DVL1: variants seen among roughly 807,000 people sequenced by gnomAD.
DVL1 encodes the protein segment polarity protein dishevelled homolog DVL-1.
Under a neutral mutation model 65.0 loss-of-function variants are expected in DVL1, and 49 were observed. That is an observed-to-expected ratio of 0.75 (90% CI 0.60 to 0.96). The LOEUF is 0.96. Ranked by LOEUF, DVL1 falls within the 40% of genes least tolerant of loss-of-function variation. DVL1 has a pLI of 0.00. For missense variants in DVL1, 1,197 were observed against 1,045.4 expected (o/e 1.15, Z -2.00); for synonymous variants, 608 against 433.9 (o/e 1.40, Z -4.99).
chr1:1,337,158 C>T (rs762644212), intron 14 of DVL1: 93 of 957,404 alleles, frequency 9.7e-5, no homozygotes, highest in East Asian at 1.2e-4. Context: ...GCGGGCTGGG[C>T]GGGGCTGAAG....
In DVL1 at chr1:1,349,149, C is replaced by T. The variant is rs1643976488; in HGVS notation, c.-84G>A. Reference sequence around the variant, plus strand: ...GGCGCTACCCGCCCGCCCGCCTGCGCCCCGCCCGGCCCGCACCGCTCTCGG... The same window carrying T: ...GGCGCTACCCGCCCGCCCGCCTGCGTCCCGCCCGGCCCGCACCGCTCTCGG... On this transcript the variant is annotated 5_prime_UTR_variant, in exon 1 of 15. Coordinates refer to ENST00000378888, the MANE Select transcript of DVL1 (RefSeq NM_001330311.2). The surrounding 1 kb of genome is among the most constrained non-coding windows in gnomAD (Gnocchi z 4.1). 1.2e-6 allele frequency: 1 copy of T among 819,744 alleles called. No homozygotes were observed. Among genetic ancestry groups the T allele is most frequent in the Non-Finnish European group, 1.5e-6 (1 of 681,316 alleles). 50.8% of individuals were successfully genotyped at this position (819,744 alleles called of 1,614,324 possible). A position where few individuals can be genotyped will look rare whatever the true frequency, so the allele number is the denominator to read the frequency against.
chr1:1,349,056 T>A lies in DVL1; in HGVS notation c.10A>T (p.Thr4Ser). Residue 4 changes from threonine (T) to serine (S), a missense_variant, in exon 1 of 15, where the codon ACC (threonine) becomes TCC (serine). Thr to Ser is a moderately conservative substitution (Grantham distance 58, BLOSUM62 1). Coordinates refer to ENST00000378888, the MANE Select transcript of DVL1 (RefSeq NM_001330311.2). The surrounding 1 kb of genome is among the most constrained non-coding windows in gnomAD (Gnocchi z 4.1). ...TCGTCCATGTGGTAGATAATCTTGG[T>A]CTCCGCCATGGCGCGGCGGCGGCGC... The part of the protein sequence containing the change: MAE[T>S]KIIYHMDEEE... 1 of 1,514,032 alleles carries A rather than the reference T, an allele frequency of 6.6e-7. No individual in the cohort carries two copies. Among genetic ancestry groups the A allele is most frequent in the South Asian group, 1.2e-5 (1 of 86,228 alleles). 93.8% of individuals were successfully genotyped at this position (1,514,032 alleles called of 1,614,324 possible).
chr1:1,336,835 G>T lies in DVL1; in HGVS notation c.1715-320C>A, dbSNP rs189530904. 1.6e-4 allele frequency among the ~76,000 whole-genome samples: 24 copies of T among 152,280 alleles called. No individual in the cohort carries two copies. The East Asian group carries it at 4.6e-3, about 29-fold the overall frequency. On this transcript the variant is annotated intron_variant, in intron 14 of 14. Transcript: ENST00000378888. Reference sequence around the variant, plus strand: ...TGAGGTGCCAGCGAGGGCCCCTCATGCCCGGTGCCCCCGTGGCCATCCTGG... The same window carrying T: ...TGAGGTGCCAGCGAGGGCCCCTCATTCCCGGTGCCCCCGTGGCCATCCTGG...
chr1:1,341,904 T>C, intron 4 of DVL1, 99 bp from the exon 5 acceptor site: 2 of 1,475,394 alleles, frequency 1.4e-6, no homozygotes, highest in East Asian at 5.0e-5. Context: ...GTCTGGGAGC[T>C]GGCAGCTCAA....
chr1:1,338,095 C>G lies in DVL1; in HGVS notation c.1596G>C (p.Trp532Cys). The G allele has an allele frequency of 6.2e-7, 1 of 1,609,968 alleles. No homozygotes were observed. Among genetic ancestry groups the G allele is most frequent in the Non-Finnish European group, 8.5e-7 (1 of 1,178,658 alleles). The change falls in exon 14 of 15, where the codon TGG becomes TGC. Residue 532 changes from tryptophan to cysteine, a missense_variant. Trp to Cys is a radical substitution (Grantham distance 215). Transcript: ENST00000378888. Reference sequence around the variant, plus strand: ...GGTAGGGGTAGCCCTGACCCAGAGGCCAGGGGGCAGCCGGGTGGGGCAGCG... The same window carrying G: ...GGTAGGGGTAGCCCTGACCCAGAGGGCAGGGGGCAGCCGGGTGGGGCAGCG... ...LAPLPHPAAPWPLGQGYPYQY... is the reference protein window; with the variant it reads ...LAPLPHPAAPCPLGQGYPYQY...
rs761359433 is a variant in DVL1, at chr1:1,340,125, T to A, written c.822A>T (p.Gly274=). 22 of 1,613,212 alleles carry A rather than the reference T, an allele frequency of 1.4e-5. No homozygotes were observed. The highest frequency in any genetic ancestry group is 6.7e-5 in the Admixed American group (4 of 59,986). ...TGGAGCCAATGTAGATGCCGCCGTC[T>A]CCACGGTCGTTGCTCTGCCCCACGA... ...ISIVGQSNDR[G]DGGIYIGSIM... is the part of the protein sequence containing the mutation. The change falls in exon 8 of 15, where the codon GGA becomes GGT. Residue 274 remains glycine (G), a synonymous_variant. Transcript: ENST00000378888.
At position 1,337,448 on chromosome 1, in the gene DVL1, C is replaced by T. The variant is rs1643615833; in HGVS notation, c.1714+529G>A. 2.6e-5 allele frequency among the ~76,000 whole-genome samples: 4 copies of T among 152,338 alleles called. No individual in the cohort carries two copies. In the South Asian group the frequency reaches 8.3e-4, roughly 32 times the overall value. ...CTAGGATGCACGGCACCATCCACGT[C>T]AGGCTCCCTACCCGGGCTGCAGCTG... On this transcript the variant is annotated intron_variant, in intron 14 of 14. Transcript: ENST00000378888.
intron 4 of DVL1, 102 bp downstream of exon 4, chr1:1,341,951 C>A (rs1377283498): frequency 1.4e-6 from 2 of 1,451,878 alleles, no homozygotes; most frequent in African/African-American, 1.4e-5. Flanking sequence ...CACCCAAGCA[C>A]CGCCACTGGC....
Position 1,338,191 on chromosome 1 carries a change from G to A in DVL1, c.1508-8C>T, listed in dbSNP as rs767347338. On this transcript the variant is annotated splice_polypyrimidine_tract_variant and splice_region_variant and intron_variant, in intron 13 of 14. Transcript: ENST00000378888. ...GGTTCAGGGTGGCGAGATCTGGCGGGGGAGGGTAGGTGAGGGCCGCGGAGG... is the reference window on the plus strand; with the variant it reads ...GGTTCAGGGTGGCGAGATCTGGCGGAGGAGGGTAGGTGAGGGCCGCGGAGG... The A allele has an allele frequency of 1.2e-6, 2 of 1,600,132 alleles. No homozygotes were observed. Among genetic ancestry groups the A allele is most frequent in the South Asian group, 1.1e-5 (1 of 89,292 alleles).
chr1:1,337,962 G>A lies in DVL1; in HGVS notation c.1714+15C>T, dbSNP rs990434682. 1.2e-6 allele frequency: 2 copies of A among 1,607,210 alleles called. No homozygotes were observed. The highest frequency in any genetic ancestry group is 1.7e-5 in the Admixed American group (1 of 59,778). On this transcript the variant is annotated intron_variant, in intron 14 of 14. Coordinates refer to ENST00000378888, the MANE Select transcript of DVL1 (RefSeq NM_001330311.2). Reference sequence around the variant, plus strand: ...GGCGGAGCCGGGGAAGGGCAGGTAGGGGCGGCGTTCTCACCTTCACTCTGC... The same window carrying A: ...GGCGGAGCCGGGGAAGGGCAGGTAGAGGCGGCGTTCTCACCTTCACTCTGC...
chr1:1,338,014 G>C lies in DVL1; in HGVS notation c.1677C>G (p.Ser559Arg). ...FPPAYQDPGF[S>R]YGSGSTGSQQ... Reference sequence around the variant, plus strand: ...GACTCCCGGTGCTGCCGCTGCCATAGCTAAAGCCCGGGTCCTGGTAGGCAG... The same window carrying C: ...GACTCCCGGTGCTGCCGCTGCCATACCTAAAGCCCGGGTCCTGGTAGGCAG... The change falls in exon 14 of 15, where the codon AGC (serine) becomes AGG (arginine). Residue 559 changes from serine (S) to arginine (R), a missense_variant. By Grantham distance (110) the Ser-to-Arg change is moderately radical. Coordinates refer to ENST00000378888, the MANE Select transcript of DVL1 (RefSeq NM_001330311.2). 6 of 1,612,034 alleles carry C rather than the reference G, an allele frequency of 3.7e-6. No individual in the cohort carries two copies. Among genetic ancestry groups the C allele is most frequent in the Non-Finnish European group, 5.1e-6 (6 of 1,179,758 alleles).
In DVL1 at chr1:1,339,413, C is replaced by A. The variant is rs761519572; in HGVS notation, c.1081G>T (p.Ala361Ser). ...RADPVRPIDP[A>S]AWLSHTAALT... is the part of the protein sequence containing the mutation. ...GCCGCCGTGTGGGACAGCCAGGCGG[C>A]GGGGTCGATGGGCCGCACCGGGTCA... The change falls in exon 11 of 15, where the codon GCC becomes TCC. Residue 361 changes from alanine (A) to serine (S), a missense_variant. Coordinates refer to ENST00000378888, the MANE Select transcript of DVL1 (RefSeq NM_001330311.2). 6.0e-6 allele frequency: 8 copies of A among 1,335,854 alleles called. No individual in the cohort carries two copies. The highest frequency in any genetic ancestry group is 5.9e-6 in the Non-Finnish European group (6 of 1,012,204). 82.8% of individuals were successfully genotyped at this position (1,335,854 alleles called of 1,614,324 possible). A position where few individuals can be genotyped will look rare whatever the true frequency, so the allele number is the denominator to read the frequency against.
intron 1 of DVL1, among the ~76,000 whole-genome samples, chr1:1,346,598 C>A (rs1003898209): frequency 6.6e-6 from 1 of 152,228 alleles, no homozygotes; most frequent in Non-Finnish European, 1.5e-5. Flanking sequence ...GGACCTTCAC[C>A]CACTGGGCCA....
At position 1,336,423 on chromosome 1, in the gene DVL1, C is replaced by A; in HGVS notation, c.1807G>T (p.Glu603Ter). The A allele has an allele frequency of 1.3e-6, 2 of 1,594,788 alleles. No individual in the cohort carries two copies. The highest frequency in any genetic ancestry group is 1.7e-6 in the Non-Finnish European group (2 of 1,176,352). Reference sequence around the variant, plus strand: ...CCACTCGGTGCCGTGTGATCCGATTCACTGCCACTGCCCCCAGCTCCCGCC... The same window carrying A: ...CCACTCGGTGCCGTGTGATCCGATTAACTGCCACTGCCCCCAGCTCCCGCC... The part of the protein sequence containing the change: ...RAAGAGGSGS[E>*]SDHTAPSGVG... The change falls in exon 15 of 15, where the codon GAA becomes TAA. Residue 603 changes from glutamate to a stop codon, truncating the protein, a stop_gained. Coordinates refer to ENST00000378888, the MANE Select transcript of DVL1 (RefSeq NM_001330311.2). LOFTEE classifies it low-confidence loss of function (END_TRUNC).
At position 1,340,232 on chromosome 1, in the gene DVL1, GC is replaced by G. The variant is rs1643745098; in HGVS notation, c.769+14del. On this transcript the variant is annotated intron_variant, in intron 7 of 14. Coordinates refer to ENST00000378888, the MANE Select transcript of DVL1 (RefSeq NM_001330311.2). ...GCCCCTGCCCCTGCCCCCAACCCTC[GC>G]CCCGAGGCCTCACCCATGTTGAGCG... 1 of 1,613,690 alleles carries G rather than the reference GC, an allele frequency of 6.2e-7. No individual in the cohort carries two copies. Among genetic ancestry groups the G allele is most frequent in the African/African-American group, 1.3e-5 (1 of 74,916 alleles).
intron 1 of DVL1, among the ~76,000 whole-genome samples, chr1:1,345,452 G>A (rs1643901814): frequency 1.3e-5 from 2 of 152,214 alleles, no homozygotes; most frequent in South Asian, 4.1e-4. Context: ...GGGGGAGGGT[G>A]CTGGAGGCTG....
intron 8 of DVL1, 112 bp from the exon 9 acceptor site, chr1:1,339,924 C>T: frequency 6.4e-7 from 1 of 1,554,488 alleles, no homozygotes; most frequent in Non-Finnish European, 8.7e-7. Context: ...GACCCACCCG[C>T]AGCCGCATGT....
intron 1 of DVL1, among the ~76,000 whole-genome samples, chr1:1,343,241 G>T (rs1364469684): frequency 2.2e-5 from 3 of 139,440 alleles, no homozygotes; most frequent in African/African-American, 8.4e-5. Context: ...CACCTCATCT[G>T]TTCCTGGGGC....
chr1:1,348,913 G>A lies in DVL1; in HGVS notation c.153C>T (p.Ser51=), dbSNP rs1288244043. 2.6e-6 allele frequency: 4 copies of A among 1,566,670 alleles called. No individual in the cohort carries two copies. Among genetic ancestry groups the A allele is most frequent in the African/African-American group, 2.8e-5 (2 of 71,450 alleles). ...CGACTGACCCGAAGTCCTGGTCCAT[G>A]GACTTAAAGAAGAATTTGTAGGCGT... is the stretch of plus-strand genomic sequence containing the variant. ...PVHAYKFFFK[S]MDQDFGVVKE... The change falls in exon 1 of 15, where the codon TCC becomes TCT. Residue 51 remains serine (S), a synonymous_variant. Coordinates refer to ENST00000378888, the MANE Select transcript of DVL1 (RefSeq NM_001330311.2).
Sources: allele counts gnomAD v4.1 joint callset (sites outside exome capture counted in the v4.1 genomes callset), GRCh38; gene constraint gnomAD v4.1.1; non-coding constraint Gnocchi (gnomAD v3.1); transcripts MANE v1.5; gene names NCBI Gene and HGNC (gene_info 2026-07-23, HGNC 2026-07-21).